Variants in B4GALT6 observed in about 807,000 individuals in gnomAD.
The protein encoded by B4GALT6 is beta-1,4-galactosyltransferase 6, also known as UDP-Gal:beta-GlcNAc beta-1,4-galactosyltransferase 6.
Under a neutral mutation model 46.3 loss-of-function variants are expected in B4GALT6, and 14 were observed. The ratio of observed to expected loss-of-function variants is 0.30; its 90% confidence interval spans 0.20 to 0.47. The LOEUF is 0.47. Ranked by LOEUF, B4GALT6 falls within the 20% of genes least tolerant of loss-of-function variation. The pLI is 0.99. For synonymous variants in B4GALT6, 168 were observed against 162.0 expected, an observed-to-expected ratio of 1.04 and a Z score of -0.28; for missense variants, 386 against 480.1, an observed-to-expected ratio of 0.80 and a Z score of 1.83.
intron 3 of B4GALT6, among the ~76,000 whole-genome samples, 171 bp from the exon 4 acceptor site, chr18:31,645,650 A>G (rs141485306): frequency 1.1e-3 from 168 of 152,304 alleles, no homozygotes; most frequent in African/African-American, 3.8e-3. Flanking sequence ...TTTAGTTTCA[A>G]TGATAATATA....
chr18:31,629,798 C>T (rs184678303), intron 6 of B4GALT6, among the ~76,000 whole-genome samples: 2 of 144,372 alleles, frequency 1.4e-5, no homozygotes, highest in Non-Finnish European at 3.0e-5. Context: ...TGCAGTGAGC[C>T]GAGATCGCAC....
chr18:31,642,613 G>T (rs2073943463), intron 4 of B4GALT6, among the ~76,000 whole-genome samples: 1 of 152,226 alleles, frequency 6.6e-6, no homozygotes, highest in Non-Finnish European at 1.5e-5. Flanking sequence ...TTAGATACAA[G>T]CTTGCCCCAG....
At chr18:31,684,216 T>C in intron 1 of B4GALT6, 96 bp downstream of exon 1, 1 of 1,574,500 alleles carries the variant, frequency 6.4e-7, no homozygotes, top group Non-Finnish European at 8.6e-7. Flanking sequence ...CGGGCCCCTG[T>C]TTGAACAGCT....
intron 5 of B4GALT6, among the ~76,000 whole-genome samples, chr18:31,635,587 A>G (rs1203309376): frequency 6.6e-5 from 10 of 152,202 alleles, no homozygotes; most frequent in Admixed American, 6.5e-4. Context: ...AAACAAAACA[A>G]AACAAAAAGG....
At chr18:31,695,594 A>C in the B4GALT6 span, among the ~76,000 whole-genome samples, 1 of 152,266 alleles carries the variant, frequency 6.6e-6, no homozygotes, top group Admixed American at 6.5e-5. Context: ...TTCTGTAAGA[A>C]GCAAGCTACT....
chr18:31,698,783 A>G, the B4GALT6 span, among the ~76,000 whole-genome samples: 13 of 151,950 alleles, frequency 8.6e-5, no homozygotes, highest in South Asian at 2.1e-4. Flanking sequence ...AAAAAGAAAA[A>G]GTAAGGCCGG....
At chr18:31,695,458 C>T in the B4GALT6 span, among the ~76,000 whole-genome samples, 2 of 152,168 alleles carry the variant, frequency 1.3e-5, no homozygotes, top group Admixed American at 6.5e-5. Context: ...GTGGAACCCC[C>T]GAGAGGCAAA....
At position 31,684,548 on chromosome 18, in the gene B4GALT6, G is replaced by A. The variant is rs1292620777; in HGVS notation, c.-122C>T. The A allele has an allele frequency of 3.4e-6, 5 of 1,486,832 alleles. No homozygotes were observed. Among genetic ancestry groups the A allele is most frequent in the Non-Finnish European group, 4.5e-6 (5 of 1,116,466 alleles). 92.1% of individuals were successfully genotyped at this position (1,486,832 alleles called of 1,614,324 possible). ...GAGACTGCAGCGGGGTCCGCGCGGG[G>A]AGGCTCTGGGGAGAGGGCCCGAGCG... On this transcript the variant is annotated 5_prime_UTR_variant, in exon 1 of 9. Coordinates refer to ENST00000306851, the MANE Select transcript of B4GALT6 (RefSeq NM_004775.5).
At chr18:31,666,233 G>T in intron 2 of B4GALT6, 23 bp downstream of exon 2, 6 of 1,373,002 alleles carry the variant, frequency 4.4e-6, no homozygotes, top group Non-Finnish European at 5.1e-6. Flanking sequence ...AACTACAAGG[G>T]GTTAAGCAGG....
At chr18:31,699,079 CAAA>C in the B4GALT6 span, among the ~76,000 whole-genome samples, 5 of 82,280 alleles carry the variant, frequency 6.1e-5, no homozygotes, top group Non-Finnish European at 7.3e-5. Flanking sequence ...GACTCTGTCT[CAAA>C]AAAAAAAAAA....
chr18:31,677,058 GT>G (rs1358284857), intron 1 of B4GALT6, among the ~76,000 whole-genome samples: 3 of 152,012 alleles, frequency 2.0e-5, no homozygotes, highest in Non-Finnish European at 2.9e-5. Flanking sequence ...GAGTATCTGT[GT>G]TTCATCCTTA....
chr18:31,667,007 C>T (rs753303606), intron 1 of B4GALT6, among the ~76,000 whole-genome samples: 11 of 152,130 alleles, frequency 7.2e-5, no homozygotes, highest in Non-Finnish European at 1.6e-4. Flanking sequence ...TAAAGCAGCT[C>T]AATTTAATTA....
At chr18:31,645,207 T>C in intron 4 of B4GALT6, 148 bp downstream of exon 4, 1 of 1,069,500 alleles carries the variant, frequency 9.4e-7, no homozygotes, top group East Asian at 2.6e-5. Flanking sequence ...ACATTTGAAT[T>C]ATAAATAGTA....
At chr18:31,715,742 T>A in the B4GALT6 span, among the ~76,000 whole-genome samples, 1 of 151,520 alleles carries the variant, frequency 6.6e-6, no homozygotes, top group Non-Finnish European at 1.5e-5. Flanking sequence ...TAGAAAACAG[T>A]TTCACCATGT....
intron 1 of B4GALT6, among the ~76,000 whole-genome samples, chr18:31,681,609 C>T (rs1161317533): frequency 6.6e-6 from 1 of 152,136 alleles, no homozygotes; most frequent in Non-Finnish European, 1.5e-5. Flanking sequence ...CATCTGAAAA[C>T]ACTGGAAACT....
intron 1 of B4GALT6, among the ~76,000 whole-genome samples, chr18:31,667,179 T>G (rs550002124): frequency 6.6e-6 from 1 of 152,200 alleles, no homozygotes; most frequent in African/African-American, 2.4e-5. Flanking sequence ...CCAATTCTGT[T>G]AGTGCTGTGC....
upstream of B4GALT6, among the ~76,000 whole-genome samples, chr18:31,685,105 C>T (rs1299301186): frequency 1.2e-4 from 18 of 144,402 alleles, no homozygotes; most frequent in Admixed American, 1.2e-3. Flanking sequence ...CGGGCCCCGG[C>T]GCCCCGCGGC....
intron 3 of B4GALT6, among the ~76,000 whole-genome samples, chr18:31,647,994 A>C (rs1242125403): frequency 6.6e-6 from 1 of 152,114 alleles, no homozygotes; most frequent in Admixed American, 6.5e-5. Context: ...AAAACAAAAC[A>C]AAAGGCATCG....
chr18:31,663,694 T>G (rs1268902019), intron 2 of B4GALT6, among the ~76,000 whole-genome samples: 3 of 152,206 alleles, frequency 2.0e-5, no homozygotes, highest in Non-Finnish European at 4.4e-5. Flanking sequence ...TTATAGGCCA[T>G]TATCTTCTTT....
Sources: gnomAD v4.1 joint callset for allele counts (sites outside exome capture counted in the v4.1 genomes callset) on GRCh38, gnomAD v4.1.1 for gene constraint, MANE v1.5 for transcripts, NCBI Gene and HGNC (gene_info 2026-07-23, HGNC 2026-07-21) for gene names.